The following NEDD9 variants were observed in gnomAD, a reference collection of about 807,000 sequenced individuals.
NEDD9 encodes the protein enhancer of filamentation 1.
NEDD9 carries 26 observed loss-of-function variants against 76.6 expected under a neutral mutation model. The observed-to-expected ratio is 0.34, with a 90% CI of 0.25 to 0.47. NEDD9 has a LOEUF of 0.47. Ranked by LOEUF, NEDD9 falls within the 20% of genes least tolerant of loss-of-function variation. NEDD9 has a pLI of 1.00. For synonymous variants in NEDD9, 392 were observed against 414.2 expected, an observed-to-expected ratio of 0.95 and a Z score of 0.65; for missense variants, 937 against 1,058.5, an observed-to-expected ratio of 0.89 and a Z score of 1.59.
At chr6:11,331,229 G>A (rs894143940) in intron 2 of NEDD9, among the ~76,000 whole-genome samples, 4 of 152,112 alleles carry the variant, frequency 2.6e-5, no homozygotes, top group African/African-American at 9.7e-5. Flanking sequence ...GCAGTGAAGG[G>A]GAACTGCGGT....
At chr6:11,378,861 C>A (rs922798479) in intron 1 of NEDD9, among the ~76,000 whole-genome samples, 1 of 152,178 alleles carries the variant, frequency 6.6e-6, no homozygotes, top group African/African-American at 2.4e-5. Flanking sequence ...TACCTCCACC[C>A]GTCCCCTCAG....
chr6:11,324,692 A>G (rs1761883961), intron 2 of NEDD9, among the ~76,000 whole-genome samples: 1 of 152,196 alleles, frequency 6.6e-6, no homozygotes, highest in Non-Finnish European at 1.5e-5. Context: ...TTCGCCATGA[A>G]CTCAGAATTC....
intron 1 of NEDD9, among the ~76,000 whole-genome samples, chr6:11,363,328 T>C (rs183283758): frequency 2.0e-5 from 3 of 152,376 alleles, no homozygotes; most frequent in East Asian, 3.9e-4. Flanking sequence ...TGTCAGATTT[T>C]TTTTAAGCCT....
chr6:11,272,699 G>A (rs1010852548), intron 3 of NEDD9, among the ~76,000 whole-genome samples: 1 of 152,198 alleles, frequency 6.6e-6, no homozygotes, highest in Admixed American at 6.5e-5. Flanking sequence ...CACAGACCCT[G>A]GAGGTGTGGG....
intron 3 of NEDD9, among the ~76,000 whole-genome samples, chr6:11,287,707 G>GA (rs1264267565): frequency 6.6e-6 from 1 of 152,146 alleles, no homozygotes; most frequent in Non-Finnish European, 1.5e-5. Flanking sequence ...GGTTTCATGT[G>GA]AAATCTACTG....
intron 1 of NEDD9, among the ~76,000 whole-genome samples, chr6:11,381,543 T>C (rs759769006): frequency 7.2e-5 from 11 of 151,982 alleles, no homozygotes; most frequent in Non-Finnish European, 1.5e-4. Context: ...AGAATAAACA[T>C]AGAGAAAAGT....
At chr6:11,248,036 C>T (rs1321944450) in intron 3 of NEDD9, among the ~76,000 whole-genome samples, 1 of 151,466 alleles carries the variant, frequency 6.6e-6, no homozygotes, top group Non-Finnish European at 1.5e-5. Flanking sequence ...TTTTAAAACT[C>T]ATAAAGAGTT....
intron 3 of NEDD9, among the ~76,000 whole-genome samples, chr6:11,270,122 C>G (rs1378784795): frequency 6.6e-6 from 1 of 152,146 alleles, no homozygotes; most frequent in Non-Finnish European, 1.5e-5. Context: ...GAGTGTGACT[C>G]CTTAAAATAA....
At position 11,198,847 on chromosome 6, in the gene NEDD9, C is replaced by A. The variant is rs2113732617; in HGVS notation, c.460-5155G>T. The A allele has an allele frequency of 6.6e-6, 1 of 152,296 alleles. No individual in the cohort carries two copies. Among genetic ancestry groups the A allele is most frequent in the Non-Finnish European group, 1.5e-5 (1 of 68,032 alleles). The allele number at this position is 152,296 out of a possible 1,614,324, so 9.4% of individuals were successfully genotyped here. ...TAAGCCAGCTCTGGGTTAAGTAGAA[C>A]CCATGGGATATGGGGCAGAACAGTG... On this transcript the variant is annotated intron_variant, in intron 2 of 6. Transcript: ENST00000379446. This position sits in a 1 kb window ranked among gnomAD's most constrained non-coding sequence, Gnocchi z 4.7.
chr6:11,249,238 A>G (rs767253555), intron 3 of NEDD9: 7 of 453,690 alleles, frequency 1.5e-5, no homozygotes, highest in Non-Finnish European at 8.8e-6. Flanking sequence ...ATATATATTG[A>G]GTCCAATAGG....
Position 11,189,971 on chromosome 6 carries a change from T to A in NEDD9, c.1898A>T (p.His633Leu). ...RSWMDDYDYV[H>L]LQGKEEFERQ... ...TGAGTTCCGCTGTTTTACCTGTAGG[T>A]GGACGTAATCGTAGTCATCCATCCA... Residue 633 changes from histidine to leucine, a missense_variant, in exon 5 of 7, where the codon CAC (histidine) becomes CTC (leucine). Physicochemically the swap from His to Leu is moderately conservative, Grantham distance 99. Transcript: ENST00000379446. 1 of 1,515,850 alleles carries A rather than the reference T, an allele frequency of 6.6e-7. No individual in the cohort carries two copies. Among genetic ancestry groups the A allele is most frequent in the Non-Finnish European group, 8.8e-7 (1 of 1,133,180 alleles). 93.9% of individuals were successfully genotyped at this position (1,515,850 alleles called of 1,614,324 possible).
intron 1 of NEDD9, among the ~76,000 whole-genome samples, chr6:11,343,220 G>T (rs1444911715): frequency 1.3e-5 from 2 of 152,106 alleles, no homozygotes. Context: ...ATGAGGTCAG[G>T]AGTTCGAGAC....
intron 2 of NEDD9, among the ~76,000 whole-genome samples, chr6:11,320,099 C>T (rs1761754376): frequency 6.6e-6 from 1 of 152,222 alleles, no homozygotes; most frequent in African/African-American, 2.4e-5. Flanking sequence ...GCACTCCTGC[C>T]TACTGTACCA....
intron 3 of NEDD9, among the ~76,000 whole-genome samples, chr6:11,269,526 A>T (rs1760261336): frequency 6.6e-6 from 1 of 152,236 alleles, no homozygotes; most frequent in Non-Finnish European, 1.5e-5. Flanking sequence ...ACAAAATTGC[A>T]TACAAACTTA....
rs115512911 is a variant in NEDD9, at chr6:11,211,515, A to G, written c.459+1766T>C. 4.1e-3 allele frequency among the ~76,000 whole-genome samples: 623 copies of G among 152,330 alleles called. 7 individuals are homozygous for G. The highest frequency in any genetic ancestry group is 0.014 in the African/African-American group (587 of 41,574). ...GTGGGAGAGCTATTTTTAAGGTGCA[A>G]ACAACCAGGACTAAGAATGAGTGAA... On this transcript the variant is annotated intron_variant, in intron 2 of 6. Transcript: ENST00000379446.
rs780234907 is a variant in NEDD9 at position 11,213,259 on chromosome 6, A to C, written c.459+22T>G. 6.4e-7 allele frequency: 1 copy of C among 1,550,994 alleles called. No individual in the cohort carries two copies. The highest frequency in any genetic ancestry group is 1.2e-5 in the South Asian group (1 of 82,376). ...GAAAAAAAAATAAGTAGGAACAAAA[A>C]TTTAGTTAGTCATTTACTCACCTTT... On this transcript the variant is annotated intron_variant, in intron 2 of 6. Coordinates refer to ENST00000379446, the MANE Select transcript of NEDD9 (RefSeq NM_006403.4). This position sits in a 1 kb window ranked among gnomAD's most constrained non-coding sequence, Gnocchi z 5.4.
intron 2 of NEDD9, chr6:11,328,674 C>A (rs1370381539): frequency 1.3e-5 from 2 of 152,266 alleles, no homozygotes; most frequent in African/African-American, 2.4e-5. Context: ...CGGTGTGCAG[C>A]AGCCGGGTGA....
chr6:11,368,487 T>A (rs116451235), intron 1 of NEDD9, among the ~76,000 whole-genome samples: 1 of 152,178 alleles, frequency 6.6e-6, no homozygotes, highest in Non-Finnish European at 1.5e-5. Flanking sequence ...TTTCCAACTT[T>A]AAACCCACTT....
chr6:11,277,523 G>C (rs1009291623), intron 3 of NEDD9, among the ~76,000 whole-genome samples: 2 of 152,160 alleles, frequency 1.3e-5, no homozygotes, highest in Non-Finnish European at 2.9e-5. Flanking sequence ...GGCATGGGCA[G>C]GGGGTGGAAA....
Sources: allele counts gnomAD v4.1 joint callset (sites outside exome capture counted in the v4.1 genomes callset), GRCh38; gene constraint gnomAD v4.1.1; non-coding constraint Gnocchi (gnomAD v3.1); transcripts MANE v1.5; gene names NCBI Gene and HGNC (gene_info 2026-07-23, HGNC 2026-07-21).